The following AUTS2 variants were observed in gnomAD, a reference collection of about 807,000 sequenced individuals.
The protein encoded by AUTS2 is activator of transcription and developmental regulator AUTS2.
Under a neutral mutation model 112.4 loss-of-function variants are expected in AUTS2, and 17 were observed. The observed-to-expected ratio is 0.15, with a 90% CI of 0.10 to 0.23. The LOEUF is 0.23. AUTS2 is among the 10% of genes least tolerant of loss of function. AUTS2 has a pLI of 1.00. For synonymous variants in AUTS2, 751 were observed against 702.7 expected (o/e 1.07, Z -1.09); for missense variants, 1,510 against 1,701.6 (o/e 0.89, Z 1.98).
intron 2 of AUTS2, among the ~76,000 whole-genome samples, chr7:70,054,578 A>G (rs1301662892): frequency 1.3e-5 from 2 of 152,190 alleles, no homozygotes; most frequent in African/African-American, 4.8e-5. Flanking sequence ...AAAACAAACA[A>G]AAAAATAAAT....
chr7:70,176,333 C>G (rs1414401261), intron 4 of AUTS2, among the ~76,000 whole-genome samples: 3 of 152,184 alleles, frequency 2.0e-5, no homozygotes, highest in African/African-American at 7.2e-5. Flanking sequence ...ATAATTACTT[C>G]AAGTCTCACT....
intron 6 of AUTS2, among the ~76,000 whole-genome samples, chr7:70,730,917 A>G (rs760631855): frequency 2.0e-5 from 3 of 152,098 alleles, no homozygotes; most frequent in Non-Finnish European, 4.4e-5. Flanking sequence ...AGCACTTGCT[A>G]TTGTCTGTGT....
intron 2 of AUTS2, among the ~76,000 whole-genome samples, chr7:70,105,780 TC>T (rs1185121017): frequency 1.3e-5 from 2 of 152,130 alleles, no homozygotes; most frequent in Admixed American, 6.5e-5. Context: ...TCATCTTGGC[TC>T]TAGTTAATTG....
At chr7:69,628,163 C>T (rs538030387) in intron 1 of AUTS2, among the ~76,000 whole-genome samples, 2 of 152,090 alleles carry the variant, frequency 1.3e-5, no homozygotes, top group African/African-American at 2.4e-5. Context: ...TCCCCTGAAA[C>T]GAGATGGTTT....
intron 4 of AUTS2, among the ~76,000 whole-genome samples, chr7:70,166,942 A>G (rs1349969873): frequency 6.6e-6 from 1 of 152,228 alleles, no homozygotes; most frequent in Non-Finnish European, 1.5e-5. Flanking sequence ...ACCCTAATCA[A>G]AAGAAAACTG....
chr7:70,192,143 A>G (rs1278363939), intron 4 of AUTS2, among the ~76,000 whole-genome samples: 1 of 152,226 alleles, frequency 6.6e-6, no homozygotes, highest in Non-Finnish European at 1.5e-5. Context: ...ACCTTCTTCA[A>G]TGTGATCTTG....
At chr7:70,659,665 G>A (rs2129542665) in intron 5 of AUTS2, among the ~76,000 whole-genome samples, 1 of 152,212 alleles carries the variant, frequency 6.6e-6, no homozygotes, top group East Asian at 1.9e-4. Flanking sequence ...AACTGTTATG[G>A]CTGGGAAAAA....
intron 5 of AUTS2, among the ~76,000 whole-genome samples, chr7:70,543,573 A>C (rs1298242171): frequency 6.6e-6 from 1 of 151,018 alleles, no homozygotes; most frequent in East Asian, 1.9e-4. Flanking sequence ...GCTAGCAGAG[A>C]GAGGGACTCA....
intron 4 of AUTS2, among the ~76,000 whole-genome samples, chr7:70,162,015 A>G (rs981672940): frequency 3.3e-5 from 5 of 152,192 alleles, no homozygotes; most frequent in Non-Finnish European, 7.3e-5. Context: ...TGAGTGAAGG[A>G]TTAACGGCCT....
At chr7:69,698,893 G>C (rs1367571441) in intron 1 of AUTS2, among the ~76,000 whole-genome samples, 1 of 152,178 alleles carries the variant, frequency 6.6e-6, no homozygotes, top group African/African-American at 2.4e-5. Context: ...GAAGGAAACA[G>C]TAGCACAGAT....
At chr7:69,910,773 A>G (rs1024609164) in intron 2 of AUTS2, among the ~76,000 whole-genome samples, 2 of 151,864 alleles carry the variant, frequency 1.3e-5, no homozygotes, top group African/African-American at 2.4e-5. Flanking sequence ...GACTACAGGC[A>G]CCTGCCACCA....
At chr7:69,954,640 G>T (rs1207569850) in intron 2 of AUTS2, among the ~76,000 whole-genome samples, 6 of 152,190 alleles carry the variant, frequency 3.9e-5, no homozygotes, top group Non-Finnish European at 8.8e-5. Flanking sequence ...AAATAAAACA[G>T]AACGCCAGTT....
At chr7:70,659,422 G>T (rs1342519377) in intron 5 of AUTS2, among the ~76,000 whole-genome samples, 1 of 152,168 alleles carries the variant, frequency 6.6e-6, no homozygotes, top group African/African-American at 2.4e-5. Context: ...TGCGGTCCGG[G>T]CTGAGAGCCA....
chr7:70,545,239 C>T (rs899290034), intron 5 of AUTS2, among the ~76,000 whole-genome samples: 1 of 152,194 alleles, frequency 6.6e-6, no homozygotes, highest in African/African-American at 2.4e-5. Context: ...CAGACCAGAG[C>T]ACAGGTCAAA....
At chr7:70,514,871 G>A (rs535827918) in intron 5 of AUTS2, among the ~76,000 whole-genome samples, 200 of 152,182 alleles carry the variant, frequency 1.3e-3, no homozygotes, top group African/African-American at 4.1e-3. Flanking sequence ...TCACTATTCC[G>A]ATCATTTGGA....
At chr7:70,562,195 C>A (rs1466247012) in intron 5 of AUTS2, among the ~76,000 whole-genome samples, 1 of 152,238 alleles carries the variant, frequency 6.6e-6, no homozygotes, top group East Asian at 1.9e-4. Flanking sequence ...AAATTATCCA[C>A]CCTCAGGTAT....
chr7:70,133,571 T>A (rs1016735780), intron 3 of AUTS2, among the ~76,000 whole-genome samples: 6 of 152,064 alleles, frequency 3.9e-5, no homozygotes, highest in African/African-American at 1.2e-4. Context: ...TCTGGGAAAG[T>A]ATAATACCCA....
intron 1 of AUTS2, among the ~76,000 whole-genome samples, chr7:69,762,293 C>CTTTTTTTTTTTTTTTTTTTTT (rs534032498): frequency 1.6e-5 from 1 of 61,586 alleles, no homozygotes; most frequent in African/African-American, 6.5e-5. Flanking sequence ...GCCAAGTTGT[C>CTTTTTTTTTTTTTTTTTTTTT]TTTTTTTTTT....
chr7:70,355,566 C>G (rs557002940), intron 4 of AUTS2, among the ~76,000 whole-genome samples: 1 of 152,062 alleles, frequency 6.6e-6, no homozygotes, highest in Admixed American at 6.5e-5. Flanking sequence ...CTCTCCTGGA[C>G]GCCCATCTCT....
Sources: allele counts gnomAD v4.1 joint callset (sites outside exome capture counted in the v4.1 genomes callset), GRCh38; gene constraint gnomAD v4.1.1; transcripts MANE v1.5; gene names NCBI Gene and HGNC (gene_info 2026-07-23, HGNC 2026-07-21).